The following ARSK variants were observed in gnomAD, a reference collection of about 807,000 sequenced individuals.
ARSK encodes arylsulfatase family member K.
A neutral mutation model predicts 53.2 loss-of-function variants in ARSK; 37 were observed. The observed-to-expected ratio is 0.70, with a 90% CI of 0.54 to 0.92. ARSK has a LOEUF of 0.92. Ranked by LOEUF, ARSK falls within the 40% of genes least tolerant of loss-of-function variation. ARSK has a pLI of 0.00. For missense variants in ARSK, 613 were observed against 643.0 expected (o/e 0.95, Z 0.51); for synonymous variants, 208 against 223.2 (o/e 0.93, Z 0.61).
chr5:95,576,077 TG>T (rs753866070), intron 3 of ARSK, among the ~76,000 whole-genome samples: 10 of 150,362 alleles, frequency 6.7e-5, no homozygotes, highest in Non-Finnish European at 1.2e-4. Context: ...TTTTTTGTGG[TG>T]GGGGGTGGGT....
At chr5:95,600,681 G>A (rs1749385809) in intron 6 of ARSK, 166 bp from the exon 7 acceptor site, 1 of 734,510 alleles carries the variant, frequency 1.4e-6, no homozygotes, top group Non-Finnish European at 2.4e-6. Context: ...CATGGCCAGT[G>A]GGGTAAGCAT....
chr5:95,558,446 A>G (rs1748566415), intron 1 of ARSK, among the ~76,000 whole-genome samples: 1 of 152,248 alleles, frequency 6.6e-6, no homozygotes, highest in Non-Finnish European at 1.5e-5. Context: ...TTCTTAGACA[A>G]AATCAGCAAA....
At chr5:95,576,039 T>A (rs1465085537) in intron 3 of ARSK, among the ~76,000 whole-genome samples, 2 of 152,068 alleles carry the variant, frequency 1.3e-5, no homozygotes, top group Non-Finnish European at 2.9e-5. Flanking sequence ...TGTCTTTATG[T>A]TGAGGTATGT....
intron 3 of ARSK, chr5:95,580,977 T>A: frequency 8.3e-7 from 1 of 1,202,626 alleles, no homozygotes; most frequent in Non-Finnish European, 1.1e-6. Flanking sequence ...CATAATCTTG[T>A]CTCTGCTGCC....
At chr5:95,597,018 CT>C (rs1749319509) in intron 6 of ARSK, among the ~76,000 whole-genome samples, 1 of 151,782 alleles carries the variant, frequency 6.6e-6, no homozygotes, top group Non-Finnish European at 1.5e-5. Context: ...AATAGGAATT[CT>C]TTATAATATT....
chr5:95,582,342 A>C (rs1749033232), intron 3 of ARSK, among the ~76,000 whole-genome samples: 1 of 152,114 alleles, frequency 6.6e-6, no homozygotes. Flanking sequence ...AATAAAGAAA[A>C]TATCTCTGGT....
Position 95,603,469 on chromosome 5 carries a change from G to A in ARSK, c.1554G>A (p.Lys518=), listed in dbSNP as rs61733081. The A allele has an allele frequency of 4.7e-3, 7,551 of 1,612,796 alleles. 46 individuals are homozygous for A. Among genetic ancestry groups the A allele is most frequent in the Middle Eastern group, 8.6e-3 (52 of 6,056 alleles). ...AAGACTGGCAGAAGGAACCAAGGAA[G>A]TATGAAAATGCAATTGATCAGTGGC... ...WHQDWQKEPR[K]YENAIDQWLK... Residue 518 remains lysine, a synonymous_variant, in exon 8 of 8, where the codon AAG becomes AAA. Coordinates refer to ENST00000380009, the MANE Select transcript of ARSK (RefSeq NM_198150.3).
At chr5:95,558,111 T>C (rs529336569) in intron 1 of ARSK, among the ~76,000 whole-genome samples, 5 of 152,340 alleles carry the variant, frequency 3.3e-5, no homozygotes, top group African/African-American at 1.2e-4. Context: ...GTGAGATTTC[T>C]CATCTTCTCC....
chr5:95,595,159 C>G lies in ARSK; in HGVS notation c.1096+3534C>G, dbSNP rs530838078. On this transcript the variant is annotated intron_variant, in intron 6 of 7. Transcript: ENST00000380009. Reference sequence around the variant, plus strand: ...TAGCATCTCATAGCAGTCAAAATGGCAATTATTAAAAAGTCAAAAAGCAAC... The same window carrying G: ...TAGCATCTCATAGCAGTCAAAATGGGAATTATTAAAAAGTCAAAAAGCAAC... Among the ~76,000 whole-genome samples the G allele has an allele frequency of 4.6e-5, 7 of 152,086 alleles. No individual in the cohort carries two copies. In the East Asian group the frequency reaches 1.4e-3, roughly 29 times the overall value.
intron 3 of ARSK, among the ~76,000 whole-genome samples, chr5:95,575,839 A>T (rs1049928016): frequency 1.3e-5 from 2 of 152,218 alleles, no homozygotes; most frequent in African/African-American, 4.8e-5. Flanking sequence ...GCAAACAAGA[A>T]TAATTTGACT....
chr5:95,555,536 G>T lies in ARSK; in HGVS notation c.126+132G>T, dbSNP rs1245001325. ...CACCTTTTACCCCGATGCAAAGAAA[G>T]AAATACATTTTATGTGAGGCCCCGT... On this transcript the variant is annotated intron_variant, in intron 1 of 7. Coordinates refer to ENST00000380009, the MANE Select transcript of ARSK (RefSeq NM_198150.3). This position sits in a 1 kb window ranked among gnomAD's most constrained non-coding sequence, Gnocchi z 4.0. The T allele has an allele frequency of 9.9e-7, 1 of 1,010,572 alleles. No homozygotes were observed. 62.6% of individuals were successfully genotyped at this position (1,010,572 alleles called of 1,614,324 possible). A position where few individuals can be genotyped will look rare whatever the true frequency, so the allele number is the denominator to read the frequency against.
At chr5:95,585,444 A>G (rs1341887526) in intron 4 of ARSK, among the ~76,000 whole-genome samples, 3 of 152,212 alleles carry the variant, frequency 2.0e-5, no homozygotes, top group Non-Finnish European at 2.9e-5. Context: ...CAACCAGTGG[A>G]TAAAGAAATT....
chr5:95,558,827 G>A (rs1195711340), intron 1 of ARSK, among the ~76,000 whole-genome samples: 1 of 152,094 alleles, frequency 6.6e-6, no homozygotes, highest in Admixed American at 6.5e-5. Context: ...CAAAAATTAG[G>A]AGAGAACACT....
At chr5:95,593,531 G>A (rs1749252158) in intron 6 of ARSK, among the ~76,000 whole-genome samples, 1 of 152,052 alleles carries the variant, frequency 6.6e-6, no homozygotes, top group African/African-American at 2.4e-5. Flanking sequence ...ACAATCTTGA[G>A]AAGATACCAT....
chr5:95,566,626 T>G (rs1036407467), intron 2 of ARSK, among the ~76,000 whole-genome samples: 1 of 152,188 alleles, frequency 6.6e-6, no homozygotes, highest in Non-Finnish European at 1.5e-5. Flanking sequence ...CAAGTCAAAT[T>G]GTTCACTTTT....
In ARSK at chr5:95,555,385, T is replaced by A; in HGVS notation, c.107T>A (p.Leu36Gln). The change falls in exon 1 of 8, where the codon CTG becomes CAG. Residue 36 changes from leucine (L) to glutamine (Q), a missense_variant. Transcript: ENST00000380009. The surrounding 1 kb of genome is among the most constrained non-coding windows in gnomAD (Gnocchi z 4.0). ...RRAAKAPNVV[L>Q]VVSDSFDGRL... is the part of the protein sequence containing the mutation. Reference sequence around the variant, plus strand: ...GCAGCCAAAGCGCCCAATGTGGTGCTGGTCGTGAGCGACTCCTTCGTAAGT... The same window carrying A: ...GCAGCCAAAGCGCCCAATGTGGTGCAGGTCGTGAGCGACTCCTTCGTAAGT... 1 of 1,607,806 alleles carries A rather than the reference T, an allele frequency of 6.2e-7. No individual in the cohort carries two copies. Among genetic ancestry groups the A allele is most frequent in the Non-Finnish European group, 8.5e-7 (1 of 1,177,014 alleles).
At position 95,566,139 on chromosome 5, in the gene ARSK, C is replaced by G; in HGVS notation, c.256+12C>G. ...CCCATCACGCGCAGGTATGAACATC[C>G]TTAATATGAATGGGAGAAAGTGGCT... On this transcript the variant is annotated intron_variant, in intron 2 of 7. Coordinates refer to ENST00000380009, the MANE Select transcript of ARSK (RefSeq NM_198150.3). The G allele has an allele frequency of 6.2e-7, 1 of 1,610,258 alleles. No homozygotes were observed. Among genetic ancestry groups the G allele is most frequent in the Non-Finnish European group, 8.5e-7 (1 of 1,179,006 alleles).
intron 3 of ARSK, among the ~76,000 whole-genome samples, chr5:95,572,816 A>C (rs2112422726): frequency 6.6e-6 from 1 of 152,232 alleles, no homozygotes; most frequent in South Asian, 2.1e-4. Flanking sequence ...CTTCAGGTAA[A>C]ATTTTGTTGC....
chr5:95,580,949 A>G, intron 3 of ARSK: 2 of 1,281,990 alleles, frequency 1.6e-6, no homozygotes, highest in Non-Finnish European at 2.0e-6. Flanking sequence ...AAAGGTAAAA[A>G]TACCTTTTGC....
Sources: allele counts gnomAD v4.1 joint callset (sites outside exome capture counted in the v4.1 genomes callset), GRCh38; gene constraint gnomAD v4.1.1; non-coding constraint Gnocchi (gnomAD v3.1); transcripts MANE v1.5; gene names NCBI Gene and HGNC (gene_info 2026-07-23, HGNC 2026-07-21).